OR13A1: variants seen among roughly 807,000 people sequenced by gnomAD.
OR13A1 encodes the protein olfactory receptor 13A1.
Under a neutral mutation model 7.5 loss-of-function variants are expected in OR13A1, and 10 were observed. The ratio of observed to expected loss-of-function variants is 1.34; its 90% CI spans 0.83 to 2.27. The LOEUF is 2.27. OR13A1 is among the 30% of genes most tolerant of loss of function. OR13A1 has a pLI of 0.00. For synonymous variants in OR13A1, 238 were observed against 177.9 expected (o/e 1.34, Z -2.69); for missense variants, 509 against 419.1 (o/e 1.21, Z -1.87).
In OR13A1 at chr10:45,304,258, C is replaced by G. The variant is rs1419960642; in HGVS notation, c.165G>C (p.Gly55=). ...LFSCFLFLYS[G]ALTGNVLITL... is the part of the protein sequence containing the mutation. ...TGATGAGGACATTACCTGTGAGGGC[C>G]CCAGAGTAGAGGAAGAGGAAACAGC... The change falls in exon 4 of 4, where the codon GGG becomes GGC. Residue 55 remains glycine (G), a synonymous_variant. Transcript: ENST00000553795. The G allele has an allele frequency of 6.2e-7, 1 of 1,613,938 alleles. No individual in the cohort carries two copies. Among genetic ancestry groups the G allele is most frequent in the Non-Finnish European group, 8.5e-7 (1 of 1,180,010 alleles).
At chr10:45,305,434 G>A (rs1588941949) in intron 3 of OR13A1, among the ~76,000 whole-genome samples, 1 of 152,190 alleles carries the variant, frequency 6.6e-6, no homozygotes, top group African/African-American at 2.4e-5. Flanking sequence ...ACTGGTGAGT[G>A]CTAGACCAGA....
chr10:45,302,351 T>C (rs1232905868), downstream of OR13A1: 2 of 152,202 alleles, frequency 1.3e-5, no homozygotes, highest in Admixed American at 6.5e-5. Flanking sequence ...TTTCAACATG[T>C]TATTTGGGAC....
At chr10:45,306,044 G>C (rs1373343675) in intron 3 of OR13A1, among the ~76,000 whole-genome samples, 1 of 152,346 alleles carries the variant, frequency 6.6e-6, no homozygotes, top group East Asian at 1.9e-4. Flanking sequence ...GAATAGGCTA[G>C]TATGAATAAC....
At chr10:45,309,624 T>A (rs1246102083) in intron 1 of OR13A1, among the ~76,000 whole-genome samples, 1 of 152,136 alleles carries the variant, frequency 6.6e-6, no homozygotes, top group African/African-American at 2.4e-5. Context: ...TCATTTATAA[T>A]AATGAAAAGC....
chr10:45,304,004 C>A lies in OR13A1; in HGVS notation c.419G>T (p.Arg140Leu), dbSNP rs114434897. The stretch of plus-strand genomic sequence containing the variant: ...CAGCGGGTGGCAGATGGCTGCGTAC[C>A]GGTCATAGGCCATGACCGTGAGGAG... ...LLLLTVMAYDRYAAICHPLHY... is the reference protein window; with the variant it reads ...LLLLTVMAYDLYAAICHPLHY... Residue 140 changes from arginine (R) to leucine (L), a missense_variant, in exon 4 of 4, where the codon CGG (arginine) becomes CTG (leucine). By Grantham distance (102) the Arg-to-Leu change is moderately radical. Transcript: ENST00000553795. The A allele has an allele frequency of 1.9e-6, 3 of 1,611,846 alleles. No homozygotes were observed. The highest frequency in any genetic ancestry group is 2.5e-6 in the Non-Finnish European group (3 of 1,178,510).
rs1838247302 is a variant in OR13A1 at position 45,303,440 on chromosome 10, T to C, written c.983A>G (p.Asn328Ser). 1 of 1,588,576 alleles carries C rather than the reference T, an allele frequency of 6.3e-7. No individual in the cohort carries two copies. The highest frequency in any genetic ancestry group is 8.6e-7 in the Non-Finnish European group (1 of 1,165,802). The change falls in exon 4 of 4, where the codon AAT becomes AGT. Residue 328 changes from asparagine to serine, a missense_variant. Asn to Ser is a conservative substitution (Grantham distance 46). Transcript: ENST00000553795. ...ALRKLFPFFR[N>S] The stretch of plus-strand genomic sequence containing the variant: ...AAAAACTTCAGAAGACACAAGTTAA[T>C]TTCTGAAGAAAGGGAAAAGCTTCCT...
chr10:45,303,304 T>G lies in OR13A1; in HGVS notation c.*132A>C. 2 of 968,612 alleles carry G rather than the reference T, an allele frequency of 2.1e-6. No homozygotes were observed. The highest frequency in any genetic ancestry group is 3.1e-6 in the Non-Finnish European group (2 of 647,224). The allele number at this position is 968,612 out of a possible 1,614,324, so 60.0% of individuals were successfully genotyped here. On this transcript the variant is annotated 3_prime_UTR_variant, in exon 4 of 4. Coordinates refer to ENST00000553795, the MANE Select transcript of OR13A1 (RefSeq NM_001004297.3). ...TCACCAAGTCTCAGGGAACCAGCAC[T>G]CCCAGCTCATCCATGCACAGGTTCT...
intron 2 of OR13A1, 71 bp downstream of exon 2, chr10:45,307,668 T>C (rs774758013): frequency 1.3e-5 from 2 of 152,170 alleles, no homozygotes; most frequent in Non-Finnish European, 2.9e-5. Flanking sequence ...TGAGGCAAAA[T>C]AACACAATTT....
chr10:45,311,686 T>A (rs1243583037), intron 1 of OR13A1, among the ~76,000 whole-genome samples: 1 of 151,734 alleles, frequency 6.6e-6, no homozygotes, highest in African/African-American at 2.4e-5. Context: ...CTACTTGAAG[T>A]TGGAGGGTAG....
chr10:45,305,256 A>T (rs1048877159), intron 3 of OR13A1, among the ~76,000 whole-genome samples: 12 of 152,208 alleles, frequency 7.9e-5, no homozygotes, highest in African/African-American at 2.7e-4. Flanking sequence ...TAATTTTAAA[A>T]AAAGGAAAGA....
chr10:45,306,313 C>T (rs9733422), intron 3 of OR13A1, among the ~76,000 whole-genome samples: 28,185 of 151,732 alleles, frequency 0.19, 3,940 homozygotes, highest in African/African-American at 0.39. Flanking sequence ...ATTAGCCGGG[C>T]GTGGTGGCGG....
In OR13A1 at chr10:45,304,265, T is replaced by G. The variant is rs889036980; in HGVS notation, c.158A>C (p.Tyr53Ser). 6.2e-7 allele frequency: 1 copy of G among 1,613,760 alleles called. No individual in the cohort carries two copies. ...GACATTACCTGTGAGGGCCCCAGAG[T>G]AGAGGAAGAGGAAACAGCTGAATAA... ...VFLFSCFLFL[Y>S]SGALTGNVLI... Residue 53 changes from tyrosine (Y) to serine (S), a missense_variant, in exon 4 of 4, where the codon TAC (tyrosine) becomes TCC (serine). Coordinates refer to ENST00000553795, the MANE Select transcript of OR13A1 (RefSeq NM_001004297.3).
chr10:45,304,132 G>A lies in OR13A1; in HGVS notation c.291C>T (p.Pro97=). 1 of 1,614,188 alleles carries A rather than the reference G, an allele frequency of 6.2e-7. No homozygotes were observed. Among genetic ancestry groups the A allele is most frequent in the Non-Finnish European group, 8.5e-7 (1 of 1,180,028 alleles). The part of the protein sequence containing the change: ...MDIICTSSIM[P]KALASLVSEE... ...CCGACACCAGACTGGCCAGCGCCTT[G>A]GGCATGATGGAAGAGGTGCAGATAA... Residue 97 remains proline, a synonymous_variant, in exon 4 of 4, where the codon CCC becomes CCT. Coordinates refer to ENST00000553795, the MANE Select transcript of OR13A1 (RefSeq NM_001004297.3).
At position 45,304,086 on chromosome 10, in the gene OR13A1, C is replaced by G; in HGVS notation, c.337G>C (p.Gly113Arg). Residue 113 changes from glycine to arginine, a missense_variant, in exon 4 of 4, where the codon GGG (glycine) becomes CGG (arginine). Gly to Arg is a moderately radical substitution (Grantham distance 125). Transcript: ENST00000553795. ...LVSEESSISYGGCMAQLYFLT... is the reference protein window; with the variant it reads ...LVSEESSISYRGCMAQLYFLT... ...AAATAGAGCTGGGCCATGCAGCCCC[C>G]GTAGGAGATGGAGCTCTCTTCCGAC... 1 of 1,613,956 alleles carries G rather than the reference C, an allele frequency of 6.2e-7. No homozygotes were observed. The highest frequency in any genetic ancestry group is 2.2e-5 in the East Asian group (1 of 44,880).
At chr10:45,305,953 G>A (rs1293022946) in intron 3 of OR13A1, among the ~76,000 whole-genome samples, 1 of 152,130 alleles carries the variant, frequency 6.6e-6, no homozygotes, top group African/African-American at 2.4e-5. Flanking sequence ...TTTATCTCTG[G>A]ACATCCCTTC....
Position 45,303,901 on chromosome 10 carries a change from C to A in OR13A1, c.522G>T (p.Thr174=), listed in dbSNP as rs372588526. 10 of 1,613,530 alleles carry A rather than the reference C, an allele frequency of 6.2e-6. No homozygotes were observed. Among genetic ancestry groups the A allele is most frequent in the Non-Finnish European group, 8.5e-6 (10 of 1,180,030 alleles). Residue 174 remains threonine (T), a synonymous_variant, in exon 4 of 4, where the codon ACG becomes ACT. Transcript: ENST00000553795. Reference sequence around the variant, plus strand: ...GCAGCATCAGCCCCGTGTGGATGGCCGTGTTGACGGCGCAGAGCAGCCACA... The same window carrying A: ...GCAGCATCAGCCCCGTGTGGATGGCAGTGTTGACGGCGCAGAGCAGCCACA... ...TAVWLLCAVN[T]AIHTGLMLRL... is the part of the protein sequence containing the mutation.
chr10:45,311,846 T>TA (rs1838453307), intron 1 of OR13A1, among the ~76,000 whole-genome samples: 1 of 152,034 alleles, frequency 6.6e-6, no homozygotes, highest in Non-Finnish European at 1.5e-5. Flanking sequence ...TGTAATAAAA[T>TA]AAAATAGTTG....
rs1384571853 is a variant in OR13A1 at position 45,304,083 on chromosome 10, C to T, written c.340G>A (p.Gly114Ser). 1 of 1,613,846 alleles carries T rather than the reference C, an allele frequency of 6.2e-7. No homozygotes were observed. Among genetic ancestry groups the T allele is most frequent in the African/African-American group, 1.3e-5 (1 of 74,930 alleles). The change falls in exon 4 of 4, where the codon GGC becomes AGC. Residue 114 changes from glycine (G) to serine (S), a missense_variant. By Grantham distance (56) the Gly-to-Ser change is moderately conservative (BLOSUM62 0). Coordinates refer to ENST00000553795, the MANE Select transcript of OR13A1 (RefSeq NM_001004297.3). ...AGGAAATAGAGCTGGGCCATGCAGCCCCCGTAGGAGATGGAGCTCTCTTCC... is the reference window on the plus strand; with the variant it reads ...AGGAAATAGAGCTGGGCCATGCAGCTCCCGTAGGAGATGGAGCTCTCTTCC... Reference protein sequence around the residue: ...VSEESSISYGGCMAQLYFLTW... With the variant: ...VSEESSISYGSCMAQLYFLTW...
At chr10:45,314,038 G>T (rs1396352445) in intron 1 of OR13A1, among the ~76,000 whole-genome samples, 1 of 152,050 alleles carries the variant, frequency 6.6e-6, no homozygotes, top group Non-Finnish European at 1.5e-5. Context: ...AATTTTAAAA[G>T]ATTGAAATTA....
Sources: allele counts gnomAD v4.1 joint callset (sites outside exome capture counted in the v4.1 genomes callset), GRCh38; gene constraint gnomAD v4.1.1; transcripts MANE v1.5; gene names NCBI Gene and HGNC (gene_info 2026-07-23, HGNC 2026-07-21).